SPAG16: variants seen among roughly 807,000 people sequenced by gnomAD.
SPAG16 encodes the protein sperm associated antigen 16.
In SPAG16, 86 loss-of-function variants were observed where a neutral mutation model predicts 80.4. That is an observed-to-expected ratio of 1.07 (90% CI 0.90 to 1.28). The LOEUF (loss-of-function observed/expected upper bound fraction) is 1.28. Ranked by LOEUF, SPAG16 falls within the 50% of genes most tolerant of loss-of-function variation. The pLI is 0.00. For missense variants in SPAG16, 870 were observed against 765.3 expected (o/e 1.14, Z -1.61); for synonymous variants, 294 against 265.9 (o/e 1.11, Z -1.03).
At chr2:213,951,247 C>T (rs1345188597) in intron 12 of SPAG16, among the ~76,000 whole-genome samples, 1 of 152,040 alleles carries the variant, frequency 6.6e-6, no homozygotes, top group African/African-American at 2.4e-5. Flanking sequence ...ATAAAATGTA[C>T]TTTCCTTCAT....
At chr2:213,933,561 G>C (rs570930125) in intron 12 of SPAG16, among the ~76,000 whole-genome samples, 195 of 152,292 alleles carry the variant, frequency 1.3e-3, no homozygotes, top group African/African-American at 3.3e-3. Context: ...GAAGGAGAAG[G>C]GGTCGGAAAC....
intron 10 of SPAG16, among the ~76,000 whole-genome samples, chr2:213,623,186 G>C (rs904872591): frequency 6.6e-6 from 1 of 152,044 alleles, no homozygotes; most frequent in Admixed American, 6.6e-5. Context: ...TGAATTGATT[G>C]CTCATGTAAA....
At chr2:213,550,155 C>T (rs2076739195) in intron 10 of SPAG16, among the ~76,000 whole-genome samples, 1 of 151,548 alleles carries the variant, frequency 6.6e-6, no homozygotes, top group African/African-American at 2.4e-5. Flanking sequence ...ATGTTACTTC[C>T]TTACTTTTAC....
chr2:213,331,078 C>T (rs2064080299), intron 5 of SPAG16, among the ~76,000 whole-genome samples: 1 of 152,194 alleles, frequency 6.6e-6, no homozygotes, highest in Non-Finnish European at 1.5e-5. Flanking sequence ...TGGACTAATA[C>T]ACCTCTCCAT....
chr2:213,862,087 GA>G (rs1461546294), intron 10 of SPAG16, among the ~76,000 whole-genome samples: 2 of 152,132 alleles, frequency 1.3e-5, no homozygotes, highest in Non-Finnish European at 2.9e-5. Flanking sequence ...ATTATAGTTT[GA>G]AAACAATGTT....
chr2:214,258,987 A>C (rs1690922166), intron 15 of SPAG16, among the ~76,000 whole-genome samples: 1 of 151,982 alleles, frequency 6.6e-6, no homozygotes. Context: ...TAGTTATCTT[A>C]GACTTCTTTG....
At chr2:213,929,468 A>G (rs953161091) in intron 11 of SPAG16, among the ~76,000 whole-genome samples, 4 of 152,184 alleles carry the variant, frequency 2.6e-5, no homozygotes, top group African/African-American at 7.2e-5. Context: ...TCTAACTCAA[A>G]GGTATCTCAT....
intron 13 of SPAG16, among the ~76,000 whole-genome samples, chr2:214,069,468 G>C (rs2050684561): frequency 6.6e-6 from 1 of 152,142 alleles, no homozygotes; most frequent in South Asian, 2.1e-4. Flanking sequence ...CTGGGTGACA[G>C]CTCCCTTAAA....
At chr2:213,451,973 C>T (rs1211304640) in intron 9 of SPAG16, among the ~76,000 whole-genome samples, 1 of 151,700 alleles carries the variant, frequency 6.6e-6, no homozygotes, top group Non-Finnish European at 1.5e-5. Flanking sequence ...CCTCCACTCC[C>T]GCGCTTCCAG....
intron 10 of SPAG16, among the ~76,000 whole-genome samples, chr2:213,690,278 A>G (rs2064883192): frequency 6.6e-6 from 1 of 152,190 alleles, no homozygotes; most frequent in Non-Finnish European, 1.5e-5. Context: ...ACAGATATTT[A>G]TTTCTAACAG....
chr2:213,958,980 A>C (rs190002016), intron 12 of SPAG16, among the ~76,000 whole-genome samples: 1 of 152,298 alleles, frequency 6.6e-6, no homozygotes, highest in African/African-American at 2.4e-5. Flanking sequence ...TATATCTGGG[A>C]ATGTCATACT....
intron 12 of SPAG16, among the ~76,000 whole-genome samples, chr2:213,952,746 T>C (rs537409368): frequency 6.6e-6 from 1 of 152,214 alleles, no homozygotes; most frequent in South Asian, 2.1e-4. Context: ...AGGAATACTG[T>C]CCATCGTAGA....
At chr2:214,311,810 T>TAGTTA (rs1695349798) in intron 15 of SPAG16, 1 of 152,204 alleles carries the variant, frequency 6.6e-6, no homozygotes, top group Non-Finnish European at 1.5e-5. Flanking sequence ...TCCCTTTAGT[T>TAGTTA]AGTTAAGTTT....
At chr2:214,202,825 A>G (rs186062363) in intron 15 of SPAG16, among the ~76,000 whole-genome samples, 15 of 152,338 alleles carry the variant, frequency 9.8e-5, no homozygotes, top group African/African-American at 3.1e-4. Context: ...AGAAAAACAA[A>G]GGAAATAAAT....
At chr2:214,238,205 A>G (rs1912207) in intron 15 of SPAG16, 3 of 434,116 alleles carry the variant, frequency 6.9e-6, no homozygotes, top group Non-Finnish European at 1.4e-5. Flanking sequence ...TGTTACCTCA[A>G]ATTGAAGTTG....
rs534022577 is a variant in SPAG16 at position 213,369,006 on chromosome 2, C to G, written c.832+4861C>G. Among the ~76,000 whole-genome samples, 42 of 152,010 alleles carry G rather than the reference C, an allele frequency of 2.8e-4. No homozygotes were observed. The Middle Eastern group carries it at 0.01, about 37-fold the overall frequency. ...ATACTGCGCGAGAAAATCTTGAAAG[C>G]AATAATACAAATACAGGCTGATTTC... On this transcript the variant is annotated intron_variant, in intron 8 of 15. Coordinates refer to ENST00000331683, the MANE Select transcript of SPAG16 (RefSeq NM_024532.5).
chr2:214,396,698 A>G (rs1701403319), intron 15 of SPAG16, among the ~76,000 whole-genome samples: 1 of 152,136 alleles, frequency 6.6e-6, no homozygotes, highest in South Asian at 2.1e-4. Context: ...GCAAAATAGT[A>G]TGGTTTCTCA....
intron 15 of SPAG16, among the ~76,000 whole-genome samples, chr2:214,377,728 A>G (rs1429046249): frequency 1.3e-5 from 2 of 152,164 alleles, no homozygotes; most frequent in African/African-American, 2.4e-5. Flanking sequence ...TGAGTATTGA[A>G]GGGTCAACCA....
chr2:213,709,944 G>T lies in SPAG16; in HGVS notation c.1071-152541G>T, dbSNP rs142349141. Among the ~76,000 whole-genome samples the T allele has an allele frequency of 4.3e-3, 652 of 152,278 alleles. 7 individuals are homozygous for T. The highest frequency in any genetic ancestry group is 0.014 in the African/African-American group (602 of 41,544). On this transcript the variant is annotated intron_variant, in intron 10 of 15. Coordinates refer to ENST00000331683, the MANE Select transcript of SPAG16 (RefSeq NM_024532.5). Reference sequence around the variant, plus strand: ...TGTGTATTTTGCTATTGAAATCAATGTGTAAGTGCAAGTTACTGTACACAA... The same window carrying T: ...TGTGTATTTTGCTATTGAAATCAATTTGTAAGTGCAAGTTACTGTACACAA...
Sources: gnomAD v4.1 joint callset for allele counts (sites outside exome capture counted in the v4.1 genomes callset) on GRCh38, gnomAD v4.1.1 for gene constraint, MANE v1.5 for transcripts, NCBI Gene and HGNC (gene_info 2026-07-23, HGNC 2026-07-21) for gene names.